CDON: variants seen among roughly 807,000 people sequenced by gnomAD.
CDON encodes the protein cell adhesion molecule-related/down-regulated by oncogenes.
Under a neutral mutation model 120.9 loss-of-function variants are expected in CDON, and 73 were observed. The observed-to-expected ratio is 0.60, with a 90% CI of 0.50 to 0.73. CDON has a LOEUF of 0.73. Among genes scored for constraint, CDON ranks in the 30% least tolerant of loss-of-function variants. CDON has a pLI of 0.00. For missense variants in CDON, 1,470 were observed against 1,587.3 expected (o/e 0.93, Z 1.26); for synonymous variants, 566 against 573.5 (o/e 0.99, Z 0.19).
intron 1 of CDON, among the ~76,000 whole-genome samples, chr11:126,051,427 T>C (rs1948555192): frequency 6.6e-6 from 1 of 152,130 alleles, no homozygotes. Context: ...AAGGTTCACA[T>C]TTAGAAATCC....
At chr11:126,019,849 C>T (rs1370146983) in intron 3 of CDON, 84 bp from the exon 4 acceptor site, 2 of 1,240,396 alleles carry the variant, frequency 1.6e-6, no homozygotes, top group East Asian at 2.5e-5. Flanking sequence ...TTAGAAACAA[C>T]ATCTGCAGCA....
intron 15 of CDON, among the ~76,000 whole-genome samples, chr11:125,986,530 C>T (rs1044972998): frequency 3.9e-5 from 6 of 152,122 alleles, no homozygotes; most frequent in East Asian, 3.8e-4. Flanking sequence ...CTTTGGGAGG[C>T]GGAGCTGGGC....
At chr11:126,021,887 G>C (rs747260341) in intron 2 of CDON, among the ~76,000 whole-genome samples, 1 of 152,014 alleles carries the variant, frequency 6.6e-6, no homozygotes, top group Non-Finnish European at 1.5e-5. Context: ...GTGAATCCTT[G>C]AGCTCAGGAG....
At chr11:125,993,395 GCA>G (rs72031190) in intron 14 of CDON, among the ~76,000 whole-genome samples, 2,012 of 150,940 alleles carry the variant, frequency 0.013, 39 homozygotes, top group African/African-American at 0.028. Flanking sequence ...GCGCGTGCGT[GCA>G]CACACACACA....
At chr11:126,037,930 C>G (rs1324209520) in intron 1 of CDON, among the ~76,000 whole-genome samples, 3 of 152,086 alleles carry the variant, frequency 2.0e-5, no homozygotes, top group Non-Finnish European at 4.4e-5. Flanking sequence ...TTATCTTACA[C>G]TATAGTTTTG....
At chr11:126,038,065 CA>C (rs1407956398) in intron 1 of CDON, among the ~76,000 whole-genome samples, 3 of 151,774 alleles carry the variant, frequency 2.0e-5, no homozygotes, top group Non-Finnish European at 2.9e-5. Flanking sequence ...AGTTTGCAAG[CA>C]AAAAGACTGT....
chr11:126,062,240 T>A (rs1313260398), intron 1 of CDON, among the ~76,000 whole-genome samples: 1 of 152,132 alleles, frequency 6.6e-6, no homozygotes, highest in African/African-American at 2.4e-5. Context: ...CCCGGCTCCC[T>A]TGGGAAAACG....
intron 18 of CDON, among the ~76,000 whole-genome samples, chr11:125,971,617 TTGAC>T (rs942207729): frequency 2.6e-5 from 4 of 152,204 alleles, no homozygotes; most frequent in African/African-American, 9.6e-5. Context: ...ACTACTTCTC[TTGAC>T]TATCAGCCAT....
intron 17 of CDON, among the ~76,000 whole-genome samples, chr11:125,980,072 A>G (rs966817752): frequency 1.3e-5 from 2 of 152,220 alleles, no homozygotes; most frequent in Admixed American, 1.3e-4. Flanking sequence ...GGGTCATGGT[A>G]AATTTATTTG....
chr11:126,023,338 TTA>T, intron 2 of CDON, 61 bp downstream of exon 2: 1 of 1,027,340 alleles, frequency 9.7e-7, no homozygotes, highest in South Asian at 1.3e-5. Context: ...AAGTACAAAT[TTA>T]TGTTTTATAG....
chr11:125,980,352 A>G (rs1946262382), intron 17 of CDON, among the ~76,000 whole-genome samples: 1 of 152,230 alleles, frequency 6.6e-6, no homozygotes, highest in Admixed American at 6.5e-5. Context: ...TAAAATGTAA[A>G]AAGCTTACCA....
chr11:126,043,538 T>C (rs147125291), intron 1 of CDON, among the ~76,000 whole-genome samples: 4 of 152,278 alleles, frequency 2.6e-5, no homozygotes, highest in African/African-American at 9.6e-5. Context: ...ACCAGTGACA[T>C]TGTTACCAAT....
intron 1 of CDON, among the ~76,000 whole-genome samples, chr11:126,061,964 G>A (rs1948808192): frequency 2.0e-5 from 3 of 152,196 alleles, no homozygotes; most frequent in Admixed American, 2.0e-4. Flanking sequence ...GAAATTCCTA[G>A]ATGTGGAGAG....
chr11:126,005,352 A>G, intron 9 of CDON: 1 of 199,498 alleles, frequency 5.0e-6, no homozygotes. Flanking sequence ...TTGAAATGCA[A>G]ACAATTGGCA....
chr11:125,957,935 T>C lies in CDON; in HGVS notation c.*3007A>G, dbSNP rs1440805243. The C allele has an allele frequency of 1.3e-5, 2 of 152,150 alleles. No homozygotes were observed. Among genetic ancestry groups the C allele is most frequent in the South Asian group, 2.1e-4 (1 of 4,814 alleles). 9.4% of individuals were successfully genotyped at this position (152,150 alleles called of 1,614,324 possible). On this transcript the variant is annotated 3_prime_UTR_variant, in exon 20 of 20. Transcript: ENST00000531738. ...TTTATGCTAAAACAATCACACAGAA[T>C]TCTAGATGAGAAGGAACATGAATAG...
chr11:126,003,250 T>A (rs1947008140), intron 10 of CDON, among the ~76,000 whole-genome samples: 1 of 152,206 alleles, frequency 6.6e-6, no homozygotes, highest in African/African-American at 2.4e-5. Flanking sequence ...CAATAAATAT[T>A]AGCTGAACTG....
intron 5 of CDON, among the ~76,000 whole-genome samples, chr11:126,017,831 T>C (rs959951941): frequency 1.3e-5 from 2 of 152,134 alleles, no homozygotes; most frequent in African/African-American, 4.8e-5. Context: ...CTCTGTCACC[T>C]TGGCCAAAAT....
chr11:126,015,302 C>T lies in CDON; in HGVS notation c.1137G>A (p.Gln379=), dbSNP rs1466626411. 1.2e-6 allele frequency: 2 copies of T among 1,614,130 alleles called. No homozygotes were observed. The highest frequency in any genetic ancestry group is 2.2e-5 in the East Asian group (1 of 44,884). ...GVTVEDVGMY[Q]CVADNGIGFM... ...ATCCAATCCCATTATCTGCTACACACTGATACATCCCAACATCTTCCACAG... is the reference window on the plus strand; with the variant it reads ...ATCCAATCCCATTATCTGCTACACATTGATACATCCCAACATCTTCCACAG... Residue 379 remains glutamine, a synonymous_variant, in exon 7 of 20, where the codon CAG becomes CAA. Transcript: ENST00000531738.
At chr11:126,060,797 C>T (rs1948778105) in intron 1 of CDON, among the ~76,000 whole-genome samples, 1 of 152,192 alleles carries the variant, frequency 6.6e-6, no homozygotes, top group Admixed American at 6.5e-5. Context: ...AGGAGAAAGT[C>T]CTATCTTAAA....
Sources: gnomAD v4.1 joint callset for allele counts (sites outside exome capture counted in the v4.1 genomes callset) on GRCh38, gnomAD v4.1.1 for gene constraint, MANE v1.5 for transcripts, NCBI Gene and HGNC (gene_info 2026-07-23, HGNC 2026-07-21) for gene names.